CENPP: variants seen among roughly 807,000 people sequenced by gnomAD.
CENPP encodes centromere protein P.
CENPP carries 24 observed loss-of-function variants against 35.6 expected under a neutral mutation model. That is an observed-to-expected ratio of 0.67 (90% CI 0.49 to 0.95). The LOEUF (loss-of-function observed/expected upper bound fraction) is 0.95. Among genes scored for constraint, CENPP ranks in the 40% least tolerant of loss-of-function variants. The pLI, the probability that CENPP is intolerant of heterozygous loss-of-function variation, is 0.00. For missense variants in CENPP, 332 were observed against 345.3 expected (o/e 0.96, Z 0.31); for synonymous variants, 120 against 125.5 (o/e 0.96, Z 0.29).
At chr9:92,363,253 A>G (rs1170382044) in intron 4 of CENPP, among the ~76,000 whole-genome samples, 1 of 151,804 alleles carries the variant, frequency 6.6e-6, no homozygotes, top group Non-Finnish European at 1.5e-5. Context: ...ACACACACAC[A>G]CAAACCTGTA....
chr9:92,391,612 C>T (rs567029846), intron 5 of CENPP, among the ~76,000 whole-genome samples: 2 of 151,870 alleles, frequency 1.3e-5, no homozygotes, highest in East Asian at 3.9e-4. Flanking sequence ...CAAAAAAACC[C>T]CCCAAAAAAC....
chr9:92,543,224 C>T (rs1849353255), intron 5 of CENPP, among the ~76,000 whole-genome samples: 1 of 152,078 alleles, frequency 6.6e-6, no homozygotes, highest in Admixed American at 6.6e-5. Flanking sequence ...GTAATCCAAG[C>T]ACTTTGGGAG....
At chr9:92,362,080 G>T (rs1004351653) in intron 4 of CENPP, among the ~76,000 whole-genome samples, 4 of 152,080 alleles carry the variant, frequency 2.6e-5, no homozygotes, top group Non-Finnish European at 5.9e-5. Flanking sequence ...GCATTTAGTT[G>T]TCATGTCTCT....
chr9:92,553,613 G>A (rs1849660797), intron 5 of CENPP, among the ~76,000 whole-genome samples: 2 of 151,998 alleles, frequency 1.3e-5, no homozygotes, highest in Middle Eastern at 3.4e-3. Context: ...CCTTGTAGAG[G>A]TCTTTCGACT....
intron 5 of CENPP, among the ~76,000 whole-genome samples, chr9:92,442,060 C>T (rs1844405176): frequency 6.6e-6 from 1 of 151,922 alleles, no homozygotes; most frequent in East Asian, 1.9e-4. Flanking sequence ...GTCCAGTAAA[C>T]ACACAAATAG....
Position 92,613,012 on chromosome 9 carries a change from T to A in CENPP, c.737-7T>A. On this transcript the variant is annotated splice_polypyrimidine_tract_variant and splice_region_variant and intron_variant, in intron 7 of 7. Transcript: ENST00000375587. ...GTTTCTTACCCGGTTTAATGTTTTC[T>A]TTATAGCCCTGGAGCTGGACAAGAA... The A allele has an allele frequency of 6.2e-7, 1 of 1,614,048 alleles. No homozygotes were observed. Among genetic ancestry groups the A allele is most frequent in the Admixed American group, 1.7e-5 (1 of 59,978 alleles).
At chr9:92,548,511 G>T (rs1443882802) in intron 5 of CENPP, among the ~76,000 whole-genome samples, 1 of 152,054 alleles carries the variant, frequency 6.6e-6, no homozygotes, top group Non-Finnish European at 1.5e-5. Flanking sequence ...CAACACAAAT[G>T]TAGTACATCA....
intron 5 of CENPP, among the ~76,000 whole-genome samples, chr9:92,428,415 T>C (rs1453142502): frequency 1.3e-5 from 2 of 152,190 alleles, no homozygotes; most frequent in African/African-American, 4.8e-5. Context: ...CCTCTGAGCA[T>C]GGGCCCAGGA....
chr9:92,577,291 A>C (rs1850306513), intron 5 of CENPP, among the ~76,000 whole-genome samples: 1 of 152,138 alleles, frequency 6.6e-6, no homozygotes, highest in Non-Finnish European at 1.5e-5. Flanking sequence ...AGGCAGGCTG[A>C]TCACTTGAGG....
chr9:92,556,384 T>C (rs1400988493), intron 5 of CENPP, among the ~76,000 whole-genome samples: 1 of 152,218 alleles, frequency 6.6e-6, no homozygotes, highest in African/African-American at 2.4e-5. Context: ...TGAAATGTTC[T>C]GTATATATAT....
chr9:92,500,438 G>C (rs1307797069), intron 5 of CENPP, among the ~76,000 whole-genome samples: 2 of 152,158 alleles, frequency 1.3e-5, no homozygotes, highest in African/African-American at 4.8e-5. Context: ...CCGCCTTGGC[G>C]TCCCAAAGTG....
rs1474011360 is a variant in CENPP at position 92,616,935 on chromosome 9, C to T, written c.*3786C>T. The T allele has an allele frequency of 6.6e-6, 1 of 152,188 alleles. No homozygotes were observed. The highest frequency in any genetic ancestry group is 1.5e-5 in the Non-Finnish European group (1 of 68,072). 9.4% of individuals were successfully genotyped at this position (152,188 alleles called of 1,614,324 possible). A position where few individuals can be genotyped will look rare whatever the true frequency, so the allele number is the denominator to read the frequency against. ...GATTTAGAAATCAACAAGCCAAACCCCAACTTCAAAAGCTCCTGCCGAGGA... is the reference window on the plus strand; with the variant it reads ...GATTTAGAAATCAACAAGCCAAACCTCAACTTCAAAAGCTCCTGCCGAGGA... On this transcript the variant is annotated 3_prime_UTR_variant, in exon 8 of 8. Transcript: ENST00000375587.
chr9:92,395,777 C>G (rs760838003), intron 5 of CENPP, among the ~76,000 whole-genome samples: 4 of 148,134 alleles, frequency 2.7e-5, no homozygotes, highest in Non-Finnish European at 4.5e-5. Flanking sequence ...ATGTTAGCAT[C>G]TTTTCATGTG....
Position 92,619,908 on chromosome 9 carries a change from G to A in CENPP, c.*6759G>A. 3.1e-6 allele frequency: 1 copy of A among 326,072 alleles called. No homozygotes were observed. Among genetic ancestry groups the A allele is most frequent in the Admixed American group, 3.8e-5 (1 of 26,366 alleles). 20.2% of individuals were successfully genotyped at this position (326,072 alleles called of 1,614,324 possible). A position where few individuals can be genotyped will look rare whatever the true frequency, so the allele number is the denominator to read the frequency against. On this transcript the variant is annotated 3_prime_UTR_variant, in exon 8 of 8. Transcript: ENST00000375587. ...GAAGGAAAAGCAGTAAGCCACCTGAGCCCCGCATGTTGGCCACACTCAGAG... is the reference window on the plus strand; with the variant it reads ...GAAGGAAAAGCAGTAAGCCACCTGAACCCCGCATGTTGGCCACACTCAGAG...
intron 4 of CENPP, among the ~76,000 whole-genome samples, chr9:92,364,333 T>C (rs919371844): frequency 6.6e-6 from 1 of 152,210 alleles, no homozygotes; most frequent in African/African-American, 2.4e-5. Flanking sequence ...GTGCCTGGCC[T>C]AATATTCTGC....
At chr9:92,551,970 T>TATATATATGTGTG (rs1849608729) in intron 5 of CENPP, among the ~76,000 whole-genome samples, 1 of 61,520 alleles carries the variant, frequency 1.6e-5, no homozygotes, top group South Asian at 2.9e-4. Context: ...ATATGTGTGA[T>TATATATATGTGTG]ATATATGTGT....
intron 5 of CENPP, among the ~76,000 whole-genome samples, chr9:92,608,997 G>A (rs986592922): frequency 6.6e-6 from 1 of 152,200 alleles, no homozygotes; most frequent in South Asian, 2.1e-4. Context: ...AAGTGCTGCC[G>A]CTGAGCCAGC....
intron 5 of CENPP, among the ~76,000 whole-genome samples, chr9:92,454,045 C>T (rs77670212): frequency 0.018 from 2,674 of 152,154 alleles, 33 homozygotes; most frequent in Non-Finnish European, 0.028. Context: ...TAATTTAGTC[C>T]TTCATAAACC....
intron 5 of CENPP, chr9:92,403,255 G>A: frequency 3.1e-6 from 5 of 1,587,314 alleles, no homozygotes; most frequent in Non-Finnish European, 4.3e-6. Flanking sequence ...TTCCATCCAG[G>A]TATTTATCCT....
Sources: gnomAD v4.1 joint callset for allele counts (sites outside exome capture counted in the v4.1 genomes callset) on GRCh38, gnomAD v4.1.1 for gene constraint, MANE v1.5 for transcripts, NCBI Gene and HGNC (gene_info 2026-07-23, HGNC 2026-07-21) for gene names.